Variants in TEP1 observed in about 807,000 individuals in gnomAD.
TEP1 encodes telomerase associated protein 1, also known as telomerase protein component 1.
Under a neutral mutation model 306.3 loss-of-function variants are expected in TEP1, and 241 were observed. That is an observed-to-expected ratio of 0.79 (90% CI 0.71 to 0.88). The LOEUF (loss-of-function observed/expected upper bound fraction) is 0.88, where lower values mean the gene tolerates loss of function less well. Among genes scored for constraint, TEP1 ranks in the 40% least tolerant of loss-of-function variants. TEP1 has a pLI of 0.00. For missense variants in TEP1, 3,051 were observed against 3,276.1 expected, an observed-to-expected ratio of 0.93 and a Z score of 1.68; for synonymous variants, 1,289 against 1,305.5, an observed-to-expected ratio of 0.99 and a Z score of 0.27.
rs1043135110 is a variant in TEP1, at chr14:20,396,613, A to G, written c.1659+8T>C. On this transcript the variant is annotated splice_region_variant and intron_variant, in intron 10 of 54. Transcript: ENST00000262715. Reference sequence around the variant, plus strand: ...TGGGCCCCATGGCTACCAGCCCCTCACACATACCGCATGCTGGAGTCTCTG... The same window carrying G: ...TGGGCCCCATGGCTACCAGCCCCTCGCACATACCGCATGCTGGAGTCTCTG... 13 of 1,599,666 alleles carry G rather than the reference A, an allele frequency of 8.1e-6. No homozygotes were observed. The highest frequency in any genetic ancestry group is 3.3e-4 in the Middle Eastern group (2 of 6,014).
chr14:20,369,971 T>C (rs1471188398), intron 51 of TEP1, among the ~76,000 whole-genome samples, 192 bp from the exon 52 acceptor site: 4 of 149,730 alleles, frequency 2.7e-5, no homozygotes, highest in Admixed American at 6.8e-5. Context: ...TGGAGTGCAG[T>C]GGCGTGATCT....
chr14:20,388,316 G>A (rs1877384564), intron 17 of TEP1, among the ~76,000 whole-genome samples: 1 of 152,176 alleles, frequency 6.6e-6, no homozygotes, highest in Non-Finnish European at 1.5e-5. Flanking sequence ...CTTGCTGTTG[G>A]GCCGGGGCAA....
chr14:20,408,832 T>TA (rs954103877), intron 1 of TEP1, among the ~76,000 whole-genome samples: 317 of 140,272 alleles, frequency 2.3e-3, no homozygotes, highest in Non-Finnish European at 3.1e-3. Flanking sequence ...AAATATTTCT[T>TA]AAAAAAAAAA....
In TEP1 at chr14:20,400,967, G is replaced by A. The variant is rs1878668846; in HGVS notation, c.1549+17C>T. 4 of 1,612,316 alleles carry A rather than the reference G, an allele frequency of 2.5e-6. No homozygotes were observed. Among genetic ancestry groups the A allele is most frequent in the Non-Finnish European group, 1.7e-6 (2 of 1,179,088 alleles). On this transcript the variant is annotated intron_variant, in intron 9 of 54. Coordinates refer to ENST00000262715, the MANE Select transcript of TEP1 (RefSeq NM_007110.5). The stretch of plus-strand genomic sequence containing the variant: ...GGGGAAGAGAAGGAGGGAATGTGAT[G>A]GTCAAGGTCACTCTACCAATGAGTT...
At chr14:20,375,922 C>G (rs1163380095) in intron 42 of TEP1, 54 bp from the exon 43 acceptor site, 2 of 1,525,396 alleles carry the variant, frequency 1.3e-6, no homozygotes, top group Non-Finnish European at 1.8e-6. Flanking sequence ...GGATGGGAAC[C>G]CCGGAGCCAT....
At chr14:20,407,147 G>A (rs998553704) in intron 2 of TEP1, among the ~76,000 whole-genome samples, 1 of 152,232 alleles carries the variant, frequency 6.6e-6, no homozygotes, top group South Asian at 2.1e-4. Flanking sequence ...ATGTAGGCAT[G>A]TAGATGTGTA....
At chr14:20,386,668 AC>A (rs546217485) in intron 18 of TEP1, 45 bp from the exon 19 acceptor site, 41 of 1,505,528 alleles carry the variant, frequency 2.7e-5, no homozygotes, top group Non-Finnish European at 3.3e-5. Context: ...GATGATTCCC[AC>A]CCCCCATCCA....
chr14:20,391,129 C>T lies in TEP1; in HGVS notation c.2098-33G>A, dbSNP rs376472528. 1.2e-5 allele frequency: 19 copies of T among 1,607,892 alleles called. No homozygotes were observed. The African/African-American group carries it at 2.3e-4, about 19-fold the overall frequency. Reference sequence around the variant, plus strand: ...GACAAGTGTCAGGGGAAATAAAGCTCCCCTGCTTTGGAATTCACCCTTGCC... The same window carrying T: ...GACAAGTGTCAGGGGAAATAAAGCTTCCCTGCTTTGGAATTCACCCTTGCC... On this transcript the variant is annotated intron_variant, in intron 13 of 54. Transcript: ENST00000262715.
Position 20,391,602 on chromosome 14 carries a change from T to C in TEP1, c.2094A>G (p.Gln698=), listed in dbSNP as rs777951019. The C allele has an allele frequency of 2.7e-5, 43 of 1,612,742 alleles. No individual in the cohort carries two copies. The highest frequency in any genetic ancestry group is 3.6e-5 in the Non-Finnish European group (42 of 1,179,294). The change falls in exon 13 of 55, where the codon CAA becomes CAG. Residue 698 remains glutamine (Q), a synonymous_variant. Coordinates refer to ENST00000262715, the MANE Select transcript of TEP1 (RefSeq NM_007110.5). ...AGGATGCTTTTTGTTTTCTTACCCCTTGTGGGTTGCTCTTTGGACAGAGCC... is the reference window on the plus strand; with the variant it reads ...AGGATGCTTTTTGTTTTCTTACCCCCTGTGGGTTGCTCTTTGGACAGAGCC... ...ADRLCPKSNP[Q]GPPLNYALLL... is the part of the protein sequence containing the mutation.
Position 20,390,705 on chromosome 14 carries a change from C to G in TEP1, c.2310G>C (p.Leu770=), listed in dbSNP as rs1261289904. ...CAGGAACCCTTTGGCCAGCCAGAGA[C>G]AGCAGGTATTTCCCAAAAGTATTCA... ...WSLNTFGKYL[L]SLAGQRVPVD... The change falls in exon 15 of 55, where the codon CTG becomes CTC. Residue 770 remains leucine (L), a synonymous_variant. Coordinates refer to ENST00000262715, the MANE Select transcript of TEP1 (RefSeq NM_007110.5). 1.9e-6 allele frequency: 3 copies of G among 1,614,088 alleles called. No individual in the cohort carries two copies. Among genetic ancestry groups the G allele is most frequent in the Non-Finnish European group, 8.5e-7 (1 of 1,180,060 alleles).
Position 20,377,640 on chromosome 14 carries a change from T to C in TEP1, c.5835A>G (p.Gly1945=), listed in dbSNP as rs767617934. The C allele has an allele frequency of 3.1e-6, 5 of 1,613,918 alleles. No individual in the cohort carries two copies. The highest frequency in any genetic ancestry group is 2.7e-5 in the African/African-American group (2 of 74,852). ...LSPDGDRVAV[G]YRADGIRIYK... ...AGATCCTAATGCCATCCGCTCGATA[T>C]CCAACAGCCACCCGATCACCATCTG... Residue 1945 remains glycine, a synonymous_variant, in exon 40 of 55, where the codon GGA becomes GGG. Coordinates refer to ENST00000262715, the MANE Select transcript of TEP1 (RefSeq NM_007110.5).
Position 20,372,831 on chromosome 14 carries a change from G to A in TEP1, c.6978C>T (p.Ile2326=). The A allele has an allele frequency of 6.2e-7, 1 of 1,614,182 alleles. No individual in the cohort carries two copies. The highest frequency in any genetic ancestry group is 8.5e-7 in the Non-Finnish European group (1 of 1,180,046). The change falls in exon 49 of 55, where the codon ATC becomes ATT. Residue 2326 remains isoleucine, a synonymous_variant. Coordinates refer to ENST00000262715, the MANE Select transcript of TEP1 (RefSeq NM_007110.5). The part of the protein sequence containing the change: ...AQAPGHIGAL[I]WSSAHTFFVL... ...CAAAAAAGGTGTGTGCCGAGGACCA[G>A]ATCAGAGCACCAATGTGGCCTGGAG...
chr14:20,383,470 C>T lies in TEP1; in HGVS notation c.3867+18G>A, dbSNP rs1365826690. ...TCCCCAGCCTGCCTCCCGACACCCA[C>T]CTCCTTCTCACACTCACCCGGGGAA... is the stretch of plus-strand genomic sequence containing the variant. On this transcript the variant is annotated intron_variant, in intron 26 of 54. Coordinates refer to ENST00000262715, the MANE Select transcript of TEP1 (RefSeq NM_007110.5). 6.2e-6 allele frequency: 10 copies of T among 1,613,900 alleles called. No individual in the cohort carries two copies. The highest frequency in any genetic ancestry group is 2.7e-5 in the African/African-American group (2 of 74,932).
chr14:20,382,729 G>C lies in TEP1; in HGVS notation c.4048-14C>G. ...CAGCAGTCGCATCTGGCAAGACTCAGGACTCAGGGTGGGGTCCAGGAGGGC... is the reference window on the plus strand; with the variant it reads ...CAGCAGTCGCATCTGGCAAGACTCACGACTCAGGGTGGGGTCCAGGAGGGC... On this transcript the variant is annotated splice_polypyrimidine_tract_variant and intron_variant, in intron 27 of 54. Transcript: ENST00000262715. 1 of 1,613,856 alleles carries C rather than the reference G, an allele frequency of 6.2e-7. No individual in the cohort carries two copies. Among genetic ancestry groups the C allele is most frequent in the Non-Finnish European group, 8.5e-7 (1 of 1,179,906 alleles).
At chr14:20,385,872 T>C (rs1166155573) in intron 20 of TEP1, among the ~76,000 whole-genome samples, 2 of 152,208 alleles carry the variant, frequency 1.3e-5, no homozygotes, top group African/African-American at 2.4e-5. Context: ...CTTTTGCTCA[T>C]GGCCAACCCC....
chr14:20,411,200 T>TA (rs1313406644), intron 1 of TEP1, among the ~76,000 whole-genome samples: 2 of 152,180 alleles, frequency 1.3e-5, no homozygotes, highest in Non-Finnish European at 2.9e-5. Context: ...TTCAGCATCA[T>TA]ACACAAAACC....
At chr14:20,400,415 T>A (rs1243970865) in intron 9 of TEP1, among the ~76,000 whole-genome samples, 1 of 149,914 alleles carries the variant, frequency 6.7e-6, no homozygotes, top group Non-Finnish European at 1.5e-5. Flanking sequence ...ACAAAGACCT[T>A]GTCTCTAAAA....
chr14:20,376,175 G>A lies in TEP1; in HGVS notation c.6178C>T (p.His2060Tyr). 4 of 1,614,226 alleles carry A rather than the reference G, an allele frequency of 2.5e-6. No homozygotes were observed. Among genetic ancestry groups the A allele is most frequent in the Non-Finnish European group, 2.5e-6 (3 of 1,180,050 alleles). The change falls in exon 42 of 55, where the codon CAT (histidine) becomes TAT (tyrosine). Residue 2060 changes from histidine (H) to tyrosine (Y), a missense_variant. Transcript: ENST00000262715. ...DFPCGTELRG[H>Y]EGPVSCCSFS... ...CTACAGCAGCTCACAGGGCCCTCATGTCCCCGCAGCTCAGTGCCACAGGGA... is the reference window on the plus strand; with the variant it reads ...CTACAGCAGCTCACAGGGCCCTCATATCCCCGCAGCTCAGTGCCACAGGGA...
chr14:20,398,032 C>T (rs1027717428), intron 9 of TEP1, among the ~76,000 whole-genome samples: 7 of 151,668 alleles, frequency 4.6e-5, no homozygotes, highest in East Asian at 1.9e-4. Flanking sequence ...GGATTACAGG[C>T]GTGAGCCACC....
Sources: gnomAD v4.1 joint callset for allele counts (sites outside exome capture counted in the v4.1 genomes callset) on GRCh38, gnomAD v4.1.1 for gene constraint, MANE v1.5 for transcripts, NCBI Gene and HGNC (gene_info 2026-07-23, HGNC 2026-07-21) for gene names.